GATA5: variants seen among roughly 807,000 people sequenced by gnomAD.
GATA5 encodes transcription factor GATA-5.
GATA5 carries 27 observed loss-of-function variants against 35.0 expected under a neutral mutation model. That is an observed-to-expected ratio of 0.77 (90% confidence interval 0.57 to 1.06). The LOEUF (loss-of-function observed/expected upper bound fraction) is 1.06. Among genes scored for constraint, GATA5 ranks in the 50% least tolerant of loss-of-function variants. The pLI is 0.00. For missense variants in GATA5, 612 were observed against 580.0 expected (o/e 1.06, Z -0.57); for synonymous variants, 306 against 267.8 (o/e 1.14, Z -1.39).
chr20:62,471,432 A>ATTTTTTTTTTTTTTTTTTTTTTTTTTT lies in GATA5; in HGVS notation c.699+1970_699+1971insAAAAAAAAAAAAAAAAAAAAAAAAAAA, dbSNP rs574764628. Reference sequence around the variant, plus strand: ...TAAAGAGAAGTTAATTTCAATTACAATTTTTTTTTTTTTTTTTGTGATGAG... The same window carrying ATTTTTTTTTTTTTTTTTTTTTTTTTTT: ...TAAAGAGAAGTTAATTTCAATTACAATTTTTTTTTTTTTTTTTTTTTTTTTTTTTTTTTTTTTTTTTTTTGTGATGAG... On this transcript the variant is annotated intron_variant, in intron 3 of 6. Transcript: ENST00000252997. 1.5e-3 allele frequency among the ~76,000 whole-genome samples: 126 copies of ATTTTTTTTTTTTTTTTTTTTTTTTTTT among 81,748 alleles called. 23 individuals are homozygous for ATTTTTTTTTTTTTTTTTTTTTTTTTTT. Among genetic ancestry groups the ATTTTTTTTTTTTTTTTTTTTTTTTTTT allele is most frequent in the African/African-American group, 3.0e-3 (61 of 20,446 alleles). 53.6% of individuals were successfully genotyped at this position (81,748 alleles called of 152,430 possible).
At chr20:62,472,044 C>T (rs1452509351) in intron 3 of GATA5, among the ~76,000 whole-genome samples, 1 of 152,088 alleles carries the variant, frequency 6.6e-6, no homozygotes, top group Non-Finnish European at 1.5e-5. Context: ...CCGTGCCTGG[C>T]CCCTAACCCC....
intron 3 of GATA5, 104 bp downstream of exon 3, chr20:62,473,299 C>T (rs1367118717): frequency 5.4e-5 from 72 of 1,344,846 alleles, no homozygotes; most frequent in Non-Finnish European, 7.0e-5. Flanking sequence ...TGGGACACTC[C>T]CTACCCCCTA....
At chr20:62,467,303 T>G (rs1555896184) in intron 3 of GATA5, among the ~76,000 whole-genome samples, 1 of 152,164 alleles carries the variant, frequency 6.6e-6, no homozygotes, top group Non-Finnish European at 1.5e-5. Context: ...GAGTCCCTGT[T>G]GAAGGTGGAC....
At chr20:62,474,608 A>G (rs1555896916) in intron 2 of GATA5, among the ~76,000 whole-genome samples, 2 of 152,260 alleles carry the variant, frequency 1.3e-5, no homozygotes, top group African/African-American at 4.8e-5. Flanking sequence ...CCAGGTCTCA[A>G]ATTAAAATCA....
At position 62,466,561 on chromosome 20, in the gene GATA5, C is replaced by A; in HGVS notation, c.700-10G>T. Reference sequence around the variant, plus strand: ...CGCGGCGGGACGAGGACTGTGGGGGCGAGGGAGACTGGAGTGAGCCCCGGG... The same window carrying A: ...CGCGGCGGGACGAGGACTGTGGGGGAGAGGGAGACTGGAGTGAGCCCCGGG... On this transcript the variant is annotated splice_polypyrimidine_tract_variant and intron_variant, in intron 3 of 6. Coordinates refer to ENST00000252997, the MANE Select transcript of GATA5 (RefSeq NM_080473.5). The A allele has an allele frequency of 4.5e-6, 7 of 1,545,666 alleles. No individual in the cohort carries two copies. The highest frequency in any genetic ancestry group is 6.1e-6 in the Non-Finnish European group (7 of 1,146,082).
chr20:62,474,196 C>T (rs1555896868), intron 2 of GATA5, among the ~76,000 whole-genome samples: 1 of 152,250 alleles, frequency 6.6e-6, no homozygotes, highest in Non-Finnish European at 1.5e-5. Flanking sequence ...CCGGGCTTCG[C>T]ACACTGTGCG....
At chr20:62,465,051 G>GGGGGGGGGC in intron 6 of GATA5, 60 bp from the exon 7 acceptor site, 1 of 471,402 alleles carries the variant, frequency 2.1e-6, no homozygotes, top group Non-Finnish European at 4.1e-6. Flanking sequence ...GGGGCTGGGG[G>GGGGGGGGGC]AAGCTGCAGC....
chr20:62,465,666 TG>T (rs1427767885), intron 5 of GATA5, among the ~76,000 whole-genome samples, 167 bp downstream of exon 5: 2 of 151,560 alleles, frequency 1.3e-5, no homozygotes, highest in African/African-American at 4.9e-5. Context: ...GTCACCACCC[TG>T]GCACCCCACA....
rs1555896428 is a variant in GATA5 at position 62,470,175 on chromosome 20, TGGGCA to T, written c.699+3223_699+3227del. Among the ~76,000 whole-genome samples, 3 of 152,216 alleles carry T rather than the reference TGGGCA, an allele frequency of 2.0e-5. No homozygotes were observed. The highest frequency in any genetic ancestry group is 2.9e-5 in the Non-Finnish European group (2 of 68,034). ...TGAGACATCCAAATAAATCAGGCTC[TGGGCA>T]GGGCAGGGCCCGGGCCGGTGCTGGC... On this transcript the variant is annotated intron_variant, in intron 3 of 6. Coordinates refer to ENST00000252997, the MANE Select transcript of GATA5 (RefSeq NM_080473.5). This position sits in a 1 kb window ranked among gnomAD's most constrained non-coding sequence, Gnocchi z 4.6.
intron 2 of GATA5, among the ~76,000 whole-genome samples, chr20:62,474,278 G>C (rs1177060348): frequency 1.3e-5 from 2 of 152,202 alleles, no homozygotes; most frequent in Non-Finnish European, 2.9e-5. Flanking sequence ...CCCGGGCGCC[G>C]AGTGGGGGTG....
rs558734902 is a variant in GATA5, at chr20:62,470,377, C to T, written c.699+3026G>A. On this transcript the variant is annotated intron_variant, in intron 3 of 6. Coordinates refer to ENST00000252997, the MANE Select transcript of GATA5 (RefSeq NM_080473.5). This position sits in a 1 kb window ranked among gnomAD's most constrained non-coding sequence, Gnocchi z 4.6. ...CGTGGACAACCAGAGGCTGCTGTGC[C>T]GCAGAGTCTGAGCCTTGGGGACGGG... Among the ~76,000 whole-genome samples the T allele has an allele frequency of 2.6e-5, 4 of 152,324 alleles. No homozygotes were observed. Among genetic ancestry groups the T allele is most frequent in the South Asian group, 4.1e-4 (2 of 4,828 alleles).
Position 62,465,473 on chromosome 20 carries a change from G to C in GATA5, c.914-9C>G. 1.2e-6 allele frequency: 2 copies of C among 1,604,708 alleles called. No homozygotes were observed. The highest frequency in any genetic ancestry group is 1.7e-6 in the Non-Finnish European group (2 of 1,178,558). Reference sequence around the variant, plus strand: ...GGCATTCCTTGTGGATCCTGGAAGCGAAGAGGGGGTGTTTACAGAGGGGTC... The same window carrying C: ...GGCATTCCTTGTGGATCCTGGAAGCCAAGAGGGGGTGTTTACAGAGGGGTC... On this transcript the variant is annotated splice_polypyrimidine_tract_variant and intron_variant, in intron 5 of 6. Transcript: ENST00000252997.
chr20:62,473,583 G>C lies in GATA5; in HGVS notation c.524-5C>G. On this transcript the variant is annotated splice_polypyrimidine_tract_variant and splice_region_variant and intron_variant, in intron 2 of 6. Transcript: ENST00000252997. ...ACTCCTCCAAGAAGTCGGACACTGA[G>C]GGGACAGGCAGCTGGTGGGCCCGGG... 3.8e-6 allele frequency: 6 copies of C among 1,582,284 alleles called. No individual in the cohort carries two copies. The highest frequency in any genetic ancestry group is 5.2e-6 in the Non-Finnish European group (6 of 1,163,728).
chr20:62,468,093 C>G (rs561747271), intron 3 of GATA5, among the ~76,000 whole-genome samples: 1 of 147,736 alleles, frequency 6.8e-6, no homozygotes, highest in Non-Finnish European at 1.5e-5. Context: ...CAGCCCGCCT[C>G]GGTTTCCCCA....
At chr20:62,467,327 C>T (rs1254277836) in intron 3 of GATA5, among the ~76,000 whole-genome samples, 5 of 152,222 alleles carry the variant, frequency 3.3e-5, no homozygotes, top group East Asian at 1.9e-4. Flanking sequence ...GGGCCTCCCA[C>T]CAGCTCAAGC....
intron 2 of GATA5, among the ~76,000 whole-genome samples, chr20:62,474,472 G>A (rs1989803041): frequency 6.6e-6 from 1 of 152,240 alleles, no homozygotes; most frequent in Admixed American, 6.5e-5. Flanking sequence ...GGGACGGGAT[G>A]GGCCCCTGCG....
intron 2 of GATA5, among the ~76,000 whole-genome samples, chr20:62,474,157 G>A (rs1989792487): frequency 6.6e-6 from 1 of 152,264 alleles, no homozygotes; most frequent in South Asian, 2.1e-4. Flanking sequence ...TCCTTTAGAA[G>A]GCCAGCCCCG....
intron 6 of GATA5, 56 bp downstream of exon 6, chr20:62,465,283 GC>G: frequency 6.5e-7 from 1 of 1,531,916 alleles, no homozygotes. Flanking sequence ...ATCTGACTTG[GC>G]GGAGGAAGCA....
chr20:62,466,423 C>T lies in GATA5; in HGVS notation c.825+3G>A, dbSNP rs1218785726. The stretch of plus-strand genomic sequence containing the variant: ...CCCGCCCTGCCCCGGGGACCACACT[C>T]ACCCCGTGCAGCTTCATGTAGAGGC... On this transcript the variant is annotated splice_donor_region_variant and intron_variant, in intron 4 of 6. Coordinates refer to ENST00000252997, the MANE Select transcript of GATA5 (RefSeq NM_080473.5). The T allele has an allele frequency of 4.4e-6, 7 of 1,581,616 alleles. No homozygotes were observed. The highest frequency in any genetic ancestry group is 1.7e-4 in the Middle Eastern group (1 of 5,878).
Sources: gnomAD v4.1 joint callset for allele counts (sites outside exome capture counted in the v4.1 genomes callset) on GRCh38, gnomAD v4.1.1 for gene constraint, Gnocchi (gnomAD v3.1) non-coding constraint, MANE v1.5 for transcripts, NCBI Gene and HGNC (gene_info 2026-07-23, HGNC 2026-07-21) for gene names.